The following VAV2 variants were observed in gnomAD, a reference collection of about 807,000 sequenced individuals.
VAV2 encodes the protein vav guanine nucleotide exchange factor 2, also known as guanine nucleotide exchange factor VAV2.
A neutral mutation model predicts 132.5 loss-of-function variants in VAV2; 67 were observed. That is an observed-to-expected ratio of 0.51 (90% CI 0.42 to 0.62). The LOEUF is 0.62. Among genes scored for constraint, VAV2 ranks in the 20% least tolerant of loss-of-function variants. The probability of loss-of-function intolerance (pLI) is 0.00; values close to 1 mark genes in which losing one functional copy is unlikely to be tolerated. For synonymous variants in VAV2, 492 were observed against 443.5 expected (o/e 1.11, Z -1.37); for missense variants, 938 against 1,153.6 (o/e 0.81, Z 2.71).
intron 4 of VAV2, among the ~76,000 whole-genome samples, chr9:133,818,928 G>A (rs1835676155): frequency 6.6e-6 from 1 of 151,934 alleles, no homozygotes; most frequent in African/African-American, 2.4e-5. Context: ...TATTTTTCCT[G>A]GAGACGGGGT....
In VAV2 at chr9:133,792,289, G is replaced by A. The variant is rs564910294; in HGVS notation, c.1102-420C>T. Among the ~76,000 whole-genome samples the A allele has an allele frequency of 3.3e-4, 47 of 140,610 alleles. No homozygotes were observed. In the South Asian group the frequency reaches 8.6e-3, roughly 26 times the overall value. 92.2% of individuals were successfully genotyped at this position (140,610 alleles called of 152,430 possible). On this transcript the variant is annotated intron_variant, in intron 12 of 29. Coordinates refer to ENST00000371850, the MANE Select transcript of VAV2 (RefSeq NM_001134398.2). ...TGGGTGGGGTGTGTGGTATGTGAGC[G>A]AGCTGTGCTGGGTGGGGTATGTGTG...
intron 1 of VAV2, among the ~76,000 whole-genome samples, chr9:133,953,787 C>G (rs978086102): frequency 2.6e-5 from 4 of 152,180 alleles, no homozygotes; most frequent in African/African-American, 9.7e-5. Flanking sequence ...GCTCCCATGA[C>G]CCCGGCTCCC....
chr9:133,964,052 TATATATACATATATATAA>T lies in VAV2; in HGVS notation c.205-24851_205-24834del, dbSNP rs1564507729. Reference sequence around the variant, plus strand: ...ATATATATATATATATATATATACATATATATACATATATATAAATGAATAGGCCAGGTATGTTGGCTC... The same window carrying T: ...ATATATATATATATATATATATACATATGAATAGGCCAGGTATGTTGGCTC... On this transcript the variant is annotated intron_variant, in intron 1 of 29. Transcript: ENST00000371850. 1.0e-3 allele frequency among the ~76,000 whole-genome samples: 118 copies of T among 116,978 alleles called. 7 individuals carry two copies. Among genetic ancestry groups the T allele is most frequent in the African/African-American group, 3.3e-3 (108 of 32,726 alleles). 76.7% of individuals were successfully genotyped at this position (116,978 alleles called of 152,430 possible). A position where few individuals can be genotyped will look rare whatever the true frequency, so the allele number is the denominator to read the frequency against.
intron 2 of VAV2, among the ~76,000 whole-genome samples, chr9:133,897,167 C>T (rs1041792203): frequency 5.3e-5 from 8 of 152,290 alleles, no homozygotes; most frequent in Middle Eastern, 6.8e-3. Context: ...GGGAGCCTAT[C>T]GGCACATGCT....
intron 1 of VAV2, among the ~76,000 whole-genome samples, chr9:133,958,912 C>T (rs1383178464): frequency 1.3e-5 from 2 of 152,212 alleles, no homozygotes; most frequent in Non-Finnish European, 2.9e-5. Context: ...AGTCACAACC[C>T]GAGGTTCCCA....
chr9:133,917,438 TTTC>T (rs377611646), intron 2 of VAV2, among the ~76,000 whole-genome samples: 8,256 of 56,742 alleles, frequency 0.15, 414 homozygotes, highest in African/African-American at 0.22. Context: ...CAGAAAACTC[TTTC>T]TTTTTTTTTT....
chr9:133,867,563 GGCA>G (rs1342694261), intron 2 of VAV2, among the ~76,000 whole-genome samples: 6 of 152,178 alleles, frequency 3.9e-5, no homozygotes, highest in African/African-American at 1.4e-4. Flanking sequence ...AGGACCCCCT[GGCA>G]GGGCCAGCCA....
intron 12 of VAV2, among the ~76,000 whole-genome samples, chr9:133,792,137 G>A (rs879275025): frequency 4.1e-4 from 48 of 115,778 alleles, no homozygotes; most frequent in Admixed American, 8.9e-4. Flanking sequence ...AGCGGGTTGT[G>A]CTGGGTGGGG....
At chr9:133,974,769 C>CCTGCACCCAGCACTGCACCCAGCA (rs11270393) in intron 1 of VAV2, among the ~76,000 whole-genome samples, 1 of 151,310 alleles carries the variant, frequency 6.6e-6, no homozygotes, top group African/African-American at 2.4e-5. Context: ...TAGGTCACGC[C>CCTGCACCCAGCACTGCACCCAGCA]CTGCACCCAG....
At chr9:133,890,710 C>T (rs750739510) in intron 2 of VAV2, among the ~76,000 whole-genome samples, 13 of 152,220 alleles carry the variant, frequency 8.5e-5, no homozygotes, top group East Asian at 1.9e-4. Flanking sequence ...TAAAAGGAAA[C>T]AGCTGCCTCC....
chr9:133,831,253 C>G (rs1403557795), intron 4 of VAV2, among the ~76,000 whole-genome samples: 1 of 152,028 alleles, frequency 6.6e-6, no homozygotes, highest in Non-Finnish European at 1.5e-5. Flanking sequence ...CTGGCCAACA[C>G]GGTGAAACCT....
chr9:133,863,431 CCGGGTCGTACAGATGG>C lies in VAV2; in HGVS notation c.322-2015_322-2000del, dbSNP rs1837678336. 7.2e-6 allele frequency among the ~76,000 whole-genome samples: 1 copy of C among 138,970 alleles called. No homozygotes were observed. Among genetic ancestry groups the C allele is most frequent in the African/African-American group, 3.2e-5 (1 of 31,298 alleles). 91.2% of individuals were successfully genotyped at this position (138,970 alleles called of 152,430 possible). ...CCCAGGTCGGGTCGTACAGATGGAA[CCGGGTCGTACAGATGG>C]AACCGGAGACAGAGAGGAGGCGTGG... On this transcript the variant is annotated intron_variant, in intron 2 of 29. Coordinates refer to ENST00000371850, the MANE Select transcript of VAV2 (RefSeq NM_001134398.2). This position sits in a 1 kb window ranked among gnomAD's most constrained non-coding sequence, Gnocchi z 5.0.
rs1379171032 is a variant in VAV2 at position 133,942,755 on chromosome 9, G to A, written c.205-3536C>T. Among the ~76,000 whole-genome samples the A allele has an allele frequency of 5.3e-5, 8 of 152,182 alleles. No homozygotes were observed. In the South Asian group the frequency reaches 1.0e-3, roughly 20 times the overall value. On this transcript the variant is annotated intron_variant, in intron 1 of 29. Coordinates refer to ENST00000371850, the MANE Select transcript of VAV2 (RefSeq NM_001134398.2). The stretch of plus-strand genomic sequence containing the variant: ...GCCCAGCAACTGCTGTGCCTGGCCC[G>A]GCCCCACCCGTGGCCACTCTGGCCA...
chr9:133,977,185 C>CG, intron 1 of VAV2, among the ~76,000 whole-genome samples: 1 of 152,140 alleles, frequency 6.6e-6, no homozygotes, highest in South Asian at 2.1e-4. Flanking sequence ...CAGAGTGAGG[C>CG]CCCCCCAGCA....
At chr9:133,937,194 G>C (rs865854026) in intron 2 of VAV2, among the ~76,000 whole-genome samples, 2 of 152,110 alleles carry the variant, frequency 1.3e-5, no homozygotes, top group Non-Finnish European at 2.9e-5. Flanking sequence ...GTGTACATGT[G>C]AGACTGTGTG....
At chr9:133,831,979 G>A (rs376704410) in intron 4 of VAV2, among the ~76,000 whole-genome samples, 9 of 152,304 alleles carry the variant, frequency 5.9e-5, no homozygotes, top group African/African-American at 1.9e-4. Context: ...GAGGGTGGGG[G>A]ATTTGAGGGA....
At chr9:133,815,259 G>A (rs897829717) in intron 4 of VAV2, among the ~76,000 whole-genome samples, 4 of 152,034 alleles carry the variant, frequency 2.6e-5, no homozygotes, top group Non-Finnish European at 4.4e-5. Flanking sequence ...ACAAGTCCAC[G>A]TCTGTGTAGC....
At chr9:133,939,358 G>A in intron 1 of VAV2, 139 bp from the exon 2 acceptor site, 3 of 804,588 alleles carry the variant, frequency 3.7e-6, no homozygotes, top group Middle Eastern at 4.6e-4. Flanking sequence ...TCTCAAGGAG[G>A]AAATGGGCTC....
chr9:133,806,060 CA>C lies in VAV2; in HGVS notation c.836+20del. 1 of 1,607,916 alleles carries C rather than the reference CA, an allele frequency of 6.2e-7. No homozygotes were observed. Among genetic ancestry groups the C allele is most frequent in the Non-Finnish European group, 8.5e-7 (1 of 1,177,730 alleles). ...CAGACAGGGAGGGGCCAAGGAGCCC[CA>C]GGAGCCGGCAGCCACTCACCTTTCC... On this transcript the variant is annotated intron_variant, in intron 9 of 29. Transcript: ENST00000371850.
Sources: allele counts gnomAD v4.1 joint callset (sites outside exome capture counted in the v4.1 genomes callset), GRCh38; gene constraint gnomAD v4.1.1; non-coding constraint Gnocchi (gnomAD v3.1); transcripts MANE v1.5; gene names NCBI Gene and HGNC (gene_info 2026-07-23, HGNC 2026-07-21).